P2RY8: variants seen among roughly 807,000 people sequenced by gnomAD.
P2RY8 encodes P2Y receptor family member 8.
In P2RY8, 6 loss-of-function variants were observed where a neutral mutation model predicts 10.0. The ratio of observed to expected loss-of-function variants is 0.60; its 90% CI spans 0.33 to 1.19. P2RY8 has a LOEUF of 1.19. Among genes scored for constraint, P2RY8 ranks in the 50% most tolerant of loss-of-function variants. The pLI, the probability that P2RY8 is intolerant of heterozygous loss-of-function variation, is 0.04. For synonymous variants in P2RY8, 276 were observed against 252.5 expected, an observed-to-expected ratio of 1.09 and a Z score of -0.88; for missense variants, 456 against 542.0, an observed-to-expected ratio of 0.84 and a Z score of 1.58.
chrX:1,507,879 A>T (rs2092249662), intron 1 of P2RY8, among the ~76,000 whole-genome samples: 1 of 152,136 alleles, frequency 6.6e-6, no homozygotes, highest in African/African-American at 2.4e-5. Flanking sequence ...TAACATGTAA[A>T]GGCACGCCTG....
chrX:1,507,410 TGAG>T (rs2149401020), intron 1 of P2RY8, among the ~76,000 whole-genome samples: 1 of 152,234 alleles, frequency 6.6e-6, no homozygotes, highest in South Asian at 2.1e-4. Context: ...TCTCGTTGGA[TGAG>T]GAGTTGTCCC....
At chrX:1,504,583 G>A (rs1190165656) in intron 1 of P2RY8, among the ~76,000 whole-genome samples, 1 of 152,220 alleles carries the variant, frequency 6.6e-6, no homozygotes, top group Non-Finnish European at 1.5e-5. Flanking sequence ...TGGGTGCAGT[G>A]GCTCATGCCT....
intron 1 of P2RY8, among the ~76,000 whole-genome samples, chrX:1,471,199 G>A (rs1340350212): frequency 6.6e-6 from 1 of 151,880 alleles, no homozygotes; most frequent in South Asian, 2.1e-4. Flanking sequence ...GTAGAGACAG[G>A]GTTTCACCAT....
At chrX:1,496,265 G>T (rs2092115617) in intron 1 of P2RY8, among the ~76,000 whole-genome samples, 1 of 152,144 alleles carries the variant, frequency 6.6e-6, no homozygotes, top group South Asian at 2.1e-4. Context: ...GAATCCCAAA[G>T]ACCATCTCGA....
intron 1 of P2RY8, among the ~76,000 whole-genome samples, chrX:1,528,861 T>C (rs2092456467): frequency 6.6e-6 from 1 of 152,132 alleles, no homozygotes; most frequent in Admixed American, 6.5e-5. Flanking sequence ...TTTGAATGAG[T>C]GTGGACTTGA....
At chrX:1,502,927 G>C (rs1240702208) in intron 1 of P2RY8, among the ~76,000 whole-genome samples, 1 of 151,342 alleles carries the variant, frequency 6.6e-6, no homozygotes, top group Admixed American at 6.6e-5. Flanking sequence ...GTAATGGGTT[G>C]AACAGCGGAT....
intron 1 of P2RY8, among the ~76,000 whole-genome samples, chrX:1,516,057 C>T (rs749081165): frequency 1.3e-5 from 2 of 150,396 alleles, no homozygotes; most frequent in Non-Finnish European, 1.5e-5. Flanking sequence ...ATTAGCCAGG[C>T]GCGGTGGCAG....
intron 1 of P2RY8, among the ~76,000 whole-genome samples, chrX:1,502,805 G>A (rs1304245468): frequency 5.3e-5 from 8 of 152,044 alleles, no homozygotes; most frequent in African/African-American, 1.2e-4. Context: ...AGAAGGCCAC[G>A]TGGAGACGGA....
intron 1 of P2RY8, among the ~76,000 whole-genome samples, chrX:1,477,551 T>TCGG: frequency 2.9e-5 from 1 of 34,104 alleles, no homozygotes; most frequent in South Asian, 1.6e-3. Flanking sequence ...TGTTCATCAA[T>TCGG]CTATCAATTA....
intron 1 of P2RY8, among the ~76,000 whole-genome samples, chrX:1,505,657 G>C (rs1346918417): frequency 6.6e-6 from 1 of 152,122 alleles, no homozygotes; most frequent in Non-Finnish European, 1.5e-5. Flanking sequence ...GGGTGTGGTG[G>C]CGGGCGCCTG....
intron 1 of P2RY8, among the ~76,000 whole-genome samples, chrX:1,504,152 C>A (rs1486185201): frequency 1.3e-5 from 2 of 151,700 alleles, no homozygotes; most frequent in African/African-American, 4.8e-5. Flanking sequence ...CCCGTCTCTA[C>A]TAAAAATACA....
intron 1 of P2RY8, among the ~76,000 whole-genome samples, chrX:1,507,952 A>G (rs62603050): frequency 0.26 from 39,827 of 151,606 alleles, 6,103 homozygotes; most frequent in Non-Finnish European, 0.36. Context: ...GGGCGGGACC[A>G]GGCGGGACCC....
At chrX:1,469,742 A>G (rs749913494) in intron 1 of P2RY8, among the ~76,000 whole-genome samples, 1 of 151,828 alleles carries the variant, frequency 6.6e-6, no homozygotes, top group Non-Finnish European at 1.5e-5. Flanking sequence ...AAACAAAAAA[A>G]CAAAAAAATT....
chrX:1,483,842 T>C (rs1382001084), intron 1 of P2RY8, among the ~76,000 whole-genome samples: 1 of 146,292 alleles, frequency 6.8e-6, no homozygotes, highest in Non-Finnish European at 1.5e-5. Flanking sequence ...CTAAACCCAA[T>C]GCTGACCTCC....
intron 1 of P2RY8, among the ~76,000 whole-genome samples, chrX:1,526,155 A>G (rs1226619515): frequency 6.7e-6 from 1 of 149,716 alleles, no homozygotes; most frequent in African/African-American, 2.5e-5. Context: ...TCGTTCACTC[A>G]TTCATTCATT....
chrX:1,519,154 C>A (rs2092373008), intron 1 of P2RY8, among the ~76,000 whole-genome samples: 1 of 151,620 alleles, frequency 6.6e-6, no homozygotes, highest in Non-Finnish European at 1.5e-5. Context: ...CTCTGGTCCC[C>A]AATCACCTCC....
intron 1 of P2RY8, among the ~76,000 whole-genome samples, chrX:1,485,845 A>G (rs2091981916): frequency 1.3e-5 from 2 of 151,456 alleles, no homozygotes; most frequent in South Asian, 4.2e-4. Context: ...TTTATAGATC[A>G]CCTTATGTGT....
rs1277826382 is a variant in P2RY8 at position 1,493,474 on chromosome X, G to A, written c.-24-26892C>T. ...GGAGGAAGGAGGGAGGAGGGAGGGA[G>A]GGAAGGAAGGAAAGATCGCAGAGAT... On this transcript the variant is annotated intron_variant, in intron 1 of 1. Coordinates refer to ENST00000381297, the MANE Select transcript of P2RY8 (RefSeq NM_178129.5). Among the ~76,000 whole-genome samples the A allele has an allele frequency of 5.4e-5, 8 of 149,220 alleles. 1 individual carries two copies. The highest frequency in any genetic ancestry group is 2.5e-5 in the African/African-American group (1 of 40,516).
chrX:1,482,140 C>G (rs1191363656), intron 1 of P2RY8, among the ~76,000 whole-genome samples: 12 of 146,396 alleles, frequency 8.2e-5, no homozygotes, highest in South Asian at 2.2e-4. Context: ...CTTTTTGAAA[C>G]AAAATTAATT....
Sources: allele counts gnomAD v4.1 joint callset (sites outside exome capture counted in the v4.1 genomes callset), GRCh38; gene constraint gnomAD v4.1.1; transcripts MANE v1.5; gene names NCBI Gene and HGNC (gene_info 2026-07-23, HGNC 2026-07-21).